TRIM52: variants seen among roughly 807,000 people sequenced by gnomAD.
TRIM52 encodes tripartite motif containing 52, also known as E3 ubiquitin-protein ligase TRIM52.
TRIM52 carries 24 observed loss-of-function variants against 27.0 expected under a neutral mutation model. The ratio of observed to expected loss-of-function variants is 0.89; its 90% CI spans 0.64 to 1.25. TRIM52 has a LOEUF of 1.25. TRIM52 is among the 50% of genes most tolerant of loss of function. The pLI is 0.00. For missense variants in TRIM52, 351 were observed against 354.7 expected (o/e 0.99, Z 0.08); for synonymous variants, 125 against 126.5 (o/e 0.99, Z 0.08).
chr5:181,257,022 G>GTAAGAAGA (rs1759810301), intron 1 of TRIM52, 163 bp from the exon 2 acceptor site: 1 of 991,226 alleles, frequency 1.0e-6, no homozygotes, highest in African/African-American at 1.7e-5. Flanking sequence ...GGTGGCAGCT[G>GTAAGAAGA]GGTGGCAGGA....
downstream of TRIM52, among the ~76,000 whole-genome samples, chr5:181,249,213 T>C (rs1435139758): frequency 6.6e-6 from 1 of 152,278 alleles, no homozygotes; most frequent in Non-Finnish European, 1.5e-5. Flanking sequence ...AAGGCTGAGA[T>C]GCTGTACAGG....
downstream of TRIM52, among the ~76,000 whole-genome samples, chr5:181,254,264 T>A (rs1759699549): frequency 7.3e-6 from 1 of 137,848 alleles, no homozygotes; most frequent in Non-Finnish European, 1.5e-5. Flanking sequence ...CACTCCAGCC[T>A]GGGCAACAGA....
rs918156671 is a variant in TRIM52, at chr5:181,260,842, G to A, written c.-29C>T. ...AATGCCCGCCGGCAGGTGTAGATAC[G>A]TCAGCTTGGAGCTGAGGAGCGGGGA... is the stretch of plus-strand genomic sequence containing the variant. On this transcript the variant is annotated 5_prime_UTR_variant, in exon 1 of 2. The change creates a new upstream start codon in the 5' untranslated region. Coordinates refer to ENST00000688015, the MANE Select transcript of TRIM52 (RefSeq NM_001346048.2). The surrounding 1 kb of genome is among the most constrained non-coding windows in gnomAD (Gnocchi z 4.4). The A allele has an allele frequency of 1.3e-6, 2 of 1,557,242 alleles. No individual in the cohort carries two copies. Among genetic ancestry groups the A allele is most frequent in the African/African-American group, 2.7e-5 (2 of 73,714 alleles).
chr5:181,257,577 T>A, intron 1 of TRIM52: 1 of 1,142,344 alleles, frequency 8.8e-7, no homozygotes, highest in Admixed American at 2.5e-5. Flanking sequence ...TAAACCATTA[T>A]ACAAAAATAG....
downstream of TRIM52, among the ~76,000 whole-genome samples, chr5:181,253,036 T>G (rs1485066682): frequency 7.9e-6 from 1 of 127,166 alleles, no homozygotes; most frequent in Non-Finnish European, 1.6e-5. Flanking sequence ...CTCAGGGTAC[T>G]TTTTTTTTTT....
chr5:181,250,235 C>T (rs1759607614), downstream of TRIM52, among the ~76,000 whole-genome samples: 1 of 151,900 alleles, frequency 6.6e-6, no homozygotes, highest in Non-Finnish European at 1.5e-5. Context: ...CCAGACAGGA[C>T]TATAATAAAT....
In TRIM52 at chr5:181,255,661, TTA is replaced by T. The variant is rs1394321857; in HGVS notation, c.*1146_*1147del. 6.6e-6 allele frequency: 1 copy of T among 152,222 alleles called. No homozygotes were observed. Among genetic ancestry groups the T allele is most frequent in the Non-Finnish European group, 1.5e-5 (1 of 68,034 alleles). 9.4% of individuals were successfully genotyped at this position (152,222 alleles called of 1,614,324 possible). ...CCAAGAAAATTAGACATTTTTAGCA[TTA>T]GTTTGCTCATACATACATTTGCTAT... On this transcript the variant is annotated 3_prime_UTR_variant, in exon 2 of 2. Transcript: ENST00000688015.
intron 1 of TRIM52, 200 bp downstream of exon 1, chr5:181,259,801 A>G (rs565026969): frequency 7.3e-6 from 9 of 1,232,614 alleles, no homozygotes; most frequent in South Asian, 6.2e-5. Flanking sequence ...GGGGAAGCCA[A>G]TCTGCCCCAA....
chr5:181,260,695 C>G lies in TRIM52; in HGVS notation c.119G>C (p.Cys40Ser). Residue 40 changes from cysteine (C) to serine (S), a missense_variant, in exon 1 of 2, where the codon TGC (cysteine) becomes TCC (serine). Coordinates refer to ENST00000688015, the MANE Select transcript of TRIM52 (RefSeq NM_001346048.2). This position sits in a 1 kb window ranked among gnomAD's most constrained non-coding sequence, Gnocchi z 4.4. ...CCACAGCTGGGTCACACACCCTCGG[C>G]AGAAGTTGTGCCCACAGCTGATGGA... Reference protein sequence around the residue: ...PVSISCGHNFCRGCVTQLWSK... With the variant: ...PVSISCGHNFSRGCVTQLWSK... The G allele has an allele frequency of 6.2e-7, 1 of 1,614,048 alleles. No homozygotes were observed. Among genetic ancestry groups the G allele is most frequent in the Non-Finnish European group, 8.5e-7 (1 of 1,180,020 alleles).
downstream of TRIM52, among the ~76,000 whole-genome samples, chr5:181,250,805 G>T (rs1014096259): frequency 6.6e-6 from 1 of 152,236 alleles, no homozygotes. Context: ...GGCCTGCGGA[G>T]AAATCACATC....
chr5:181,249,677 A>C (rs1582306100), downstream of TRIM52, among the ~76,000 whole-genome samples: 1 of 151,844 alleles, frequency 6.6e-6, no homozygotes, highest in East Asian at 1.9e-4. Flanking sequence ...TCCTGTCTCA[A>C]AAAGAAAAAA....
Position 181,260,760 on chromosome 5 carries a change from C to G in TRIM52, c.54G>C (p.Ala18=), listed in dbSNP as rs1401011093. The G allele has an allele frequency of 6.2e-7, 1 of 1,613,132 alleles. No homozygotes were observed. The highest frequency in any genetic ancestry group is 8.5e-7 in the Non-Finnish European group (1 of 1,179,464). ...AGTAATCCAAGCAGATGGCACACAC[C>G]GCTTCCTCCTGAAGGGTCTGCATGG... The part of the protein sequence containing the change: ...PSPMQTLQEE[A]VCAICLDYFK... The change falls in exon 1 of 2, where the codon GCG becomes GCC. Residue 18 remains alanine, a synonymous_variant. Transcript: ENST00000688015. The surrounding 1 kb of genome is among the most constrained non-coding windows in gnomAD (Gnocchi z 4.4).
chr5:181,260,221 T>C lies in TRIM52; in HGVS notation c.593A>G (p.Asn198Ser). 1 of 1,614,196 alleles carries C rather than the reference T, an allele frequency of 6.2e-7. No individual in the cohort carries two copies. Among genetic ancestry groups the C allele is most frequent in the Non-Finnish European group, 8.5e-7 (1 of 1,180,044 alleles). The change falls in exon 1 of 2, where the codon AAC becomes AGC. Residue 198 changes from asparagine to serine, a missense_variant. Coordinates refer to ENST00000688015, the MANE Select transcript of TRIM52 (RefSeq NM_001346048.2). The surrounding 1 kb of genome is among the most constrained non-coding windows in gnomAD (Gnocchi z 4.4). ...KSFTRRSFRP[N>S]LQLANMVQII... Reference sequence around the variant, plus strand: ...CTGGACCATGTTGGCCAGCTGCAAGTTGGGACGAAAGCTGCGACGTGTAAA... The same window carrying C: ...CTGGACCATGTTGGCCAGCTGCAAGCTGGGACGAAAGCTGCGACGTGTAAA...
At chr5:181,251,725 T>C (rs769142146), downstream of TRIM52, among the ~76,000 whole-genome samples, 10 of 152,178 alleles carry the variant, frequency 6.6e-5, no homozygotes, top group Non-Finnish European at 1.5e-4. Context: ...TATGATTAAA[T>C]TTATCACAAC....
intron 1 of TRIM52, chr5:181,258,783 C>T (rs1171164886): frequency 6.6e-6 from 1 of 151,868 alleles, no homozygotes; most frequent in East Asian, 1.9e-4. Flanking sequence ...CAGTACTTAC[C>T]CTTACTATGT....
downstream of TRIM52, among the ~76,000 whole-genome samples, chr5:181,252,243 C>A (rs560668460): frequency 3.3e-5 from 5 of 152,276 alleles, no homozygotes; most frequent in South Asian, 1.0e-3. Context: ...TTTTATCCTC[C>A]CCCTTGGACT....
chr5:181,259,730 C>T, intron 1 of TRIM52: 1 of 579,328 alleles, frequency 1.7e-6, no homozygotes, highest in Non-Finnish European at 3.0e-6. Flanking sequence ...AGGTAGACTG[C>T]CAGTATTAGC....
intron 1 of TRIM52, chr5:181,259,145 T>G (rs1434634181): frequency 6.6e-6 from 1 of 152,214 alleles, no homozygotes; most frequent in East Asian, 1.9e-4. Context: ...ATTAACCATA[T>G]CAGCACCCAA....
chr5:181,249,385 C>T (rs1013098283), downstream of TRIM52, among the ~76,000 whole-genome samples: 5 of 152,112 alleles, frequency 3.3e-5, no homozygotes, highest in African/African-American at 1.2e-4. Context: ...GAATTGGCCT[C>T]TGTATATAGG....
Sources: allele counts gnomAD v4.1 joint callset (sites outside exome capture counted in the v4.1 genomes callset), GRCh38; gene constraint gnomAD v4.1.1; non-coding constraint Gnocchi (gnomAD v3.1); transcripts MANE v1.5; gene names NCBI Gene and HGNC (gene_info 2026-07-23, HGNC 2026-07-21).